RELN: variants seen among roughly 807,000 people sequenced by gnomAD.
The protein encoded by RELN is reelin.
RELN carries 108 observed loss-of-function variants against 427.6 expected under a neutral mutation model. That is an observed-to-expected ratio of 0.25 (90% CI 0.22 to 0.30). The LOEUF (loss-of-function observed/expected upper bound fraction) is 0.30. Ranked by LOEUF, RELN falls within the 10% of genes least tolerant of loss-of-function variation. The pLI, the probability that RELN is intolerant of heterozygous loss-of-function variation, is 1.00. For missense variants in RELN, 3,715 were observed against 4,302.8 expected, an observed-to-expected ratio of 0.86 and a Z score of 3.82; for synonymous variants, 1,524 against 1,513.4, an observed-to-expected ratio of 1.01 and a Z score of -0.16.
At chr7:103,720,312 T>G (rs1790044668) in intron 8 of RELN, among the ~76,000 whole-genome samples, 1 of 151,960 alleles carries the variant, frequency 6.6e-6, no homozygotes, top group Admixed American at 6.6e-5. Flanking sequence ...GGGAGTCTTT[T>G]GGATAACATT....
At chr7:103,636,608 G>A (rs1832588074) in intron 17 of RELN, 140 bp from the exon 18 acceptor site, 2 of 707,252 alleles carry the variant, frequency 2.8e-6, no homozygotes, top group Non-Finnish European at 2.6e-6. Flanking sequence ...GGAGACTACT[G>A]AATCTAAAGA....
At chr7:103,947,401 C>T (rs1796242679) in intron 1 of RELN, among the ~76,000 whole-genome samples, 1 of 152,050 alleles carries the variant, frequency 6.6e-6, no homozygotes, top group African/African-American at 2.4e-5. Flanking sequence ...AGGGTGGATC[C>T]TAATTCAATA....
intron 19 of RELN, 33 bp downstream of exon 19, chr7:103,635,392 T>A: frequency 6.2e-7 from 1 of 1,609,944 alleles, no homozygotes; most frequent in Non-Finnish European, 8.5e-7. Flanking sequence ...GATTTCACTC[T>A]ACAACCATTT....
At chr7:103,627,223 G>A (rs1832347914) in intron 20 of RELN, among the ~76,000 whole-genome samples, 1 of 152,084 alleles carries the variant, frequency 6.6e-6, no homozygotes, top group African/African-American at 2.4e-5. Context: ...GGCAGAGACT[G>A]CATACTTAAA....
chr7:103,773,980 G>T (rs1791672762), intron 4 of RELN, among the ~76,000 whole-genome samples: 1 of 152,170 alleles, frequency 6.6e-6, no homozygotes, highest in African/African-American at 2.4e-5. Context: ...GGTCTTGCAG[G>T]TGCTGTATAA....
chr7:103,869,356 T>C (rs967870277), intron 2 of RELN, among the ~76,000 whole-genome samples: 1 of 152,020 alleles, frequency 6.6e-6, no homozygotes, highest in Non-Finnish European at 1.5e-5. Flanking sequence ...TCTTTATACC[T>C]TTTTTTACTT....
At chr7:103,705,168 GTA>G (rs1213270514) in intron 8 of RELN, among the ~76,000 whole-genome samples, 1 of 151,992 alleles carries the variant, frequency 6.6e-6, no homozygotes. Context: ...TATAATATAT[GTA>G]TACATTCCAG....
rs186633320 is a variant in RELN, at chr7:103,699,418, T to C, written c.903-1325A>G. ...AATTGATGAAGAGAATATATTTAGG[T>C]AGTGATTGGGAGCACTTTCACTCTA... On this transcript the variant is annotated intron_variant, in intron 9 of 64. Transcript: ENST00000428762. Among the ~76,000 whole-genome samples the C allele has an allele frequency of 9.2e-5, 14 of 152,264 alleles. No individual in the cohort carries two copies. The East Asian group carries it at 2.7e-3, about 29-fold the overall frequency.
At position 103,553,565 on chromosome 7, in the gene RELN, T is replaced by C; in HGVS notation, c.5970-2A>G. 1 of 1,613,976 alleles carries C rather than the reference T, an allele frequency of 6.2e-7. No homozygotes were observed. ...AACACCATAGCTGAATCTTCTTCAC[T>C]GTTACACAGGAAAACAACCAGGAAT... On this transcript the variant is annotated splice_acceptor_variant, in intron 39 of 64. Coordinates refer to ENST00000428762, the MANE Select transcript of RELN (RefSeq NM_005045.4). LOFTEE classifies it high-confidence loss of function.
intron 2 of RELN, among the ~76,000 whole-genome samples, chr7:103,894,930 C>T (rs561663842): frequency 6.6e-5 from 10 of 152,252 alleles, no homozygotes; most frequent in Non-Finnish European, 1.0e-4. Context: ...AAATCATACA[C>T]TTACCCTGCT....
At chr7:103,747,255 A>G (rs1584460035) in intron 6 of RELN, among the ~76,000 whole-genome samples, 1 of 125,672 alleles carries the variant, frequency 8.0e-6, no homozygotes, top group African/African-American at 3.2e-5. Context: ...ACACACTGGG[A>G]CCTGTTGTGG....
intron 2 of RELN, among the ~76,000 whole-genome samples, chr7:103,852,256 CATG>C (rs963492910): frequency 2.0e-5 from 3 of 149,904 alleles, no homozygotes; most frequent in Non-Finnish European, 4.4e-5. Context: ...TTCTCTTCTC[CATG>C]ATATTTCATA....
intron 46 of RELN, among the ~76,000 whole-genome samples, chr7:103,525,277 G>A (rs977988010): frequency 1.3e-5 from 2 of 151,984 alleles, no homozygotes; most frequent in African/African-American, 2.4e-5. Flanking sequence ...GCAAACTATT[G>A]TTTTCCTCTT....
chr7:103,719,402 G>A (rs1790019890), intron 8 of RELN, among the ~76,000 whole-genome samples: 1 of 152,100 alleles, frequency 6.6e-6, no homozygotes, highest in Admixed American at 6.6e-5. Flanking sequence ...CTGCCACCCT[G>A]GGGACATATA....
intron 45 of RELN, among the ~76,000 whole-genome samples, chr7:103,538,346 A>C (rs777344537): frequency 2.0e-5 from 3 of 152,184 alleles, no homozygotes; most frequent in Non-Finnish European, 4.4e-5. Context: ...GGGGATGTGA[A>C]AGACCAGGAG....
At chr7:103,638,093 T>C (rs924260547) in intron 17 of RELN, among the ~76,000 whole-genome samples, 2 of 152,194 alleles carry the variant, frequency 1.3e-5, no homozygotes, top group Non-Finnish European at 2.9e-5. Context: ...CAAAAAACTT[T>C]GTAGTCTTTG....
intron 12 of RELN, 88 bp downstream of exon 12, chr7:103,661,288 T>G: frequency 1.4e-6 from 2 of 1,385,018 alleles, no homozygotes; most frequent in Non-Finnish European, 2.1e-6. Flanking sequence ...TTTTACGTAG[T>G]TGACAACAAA....
intron 28 of RELN, among the ~76,000 whole-genome samples, chr7:103,582,120 C>T (rs545454909): frequency 1.6e-3 from 239 of 152,290 alleles, no homozygotes; most frequent in African/African-American, 5.1e-3. Context: ...CTGTTTTCCT[C>T]CCACTGGTTA....
At chr7:103,549,682 C>T (rs2117149982) in intron 41 of RELN, among the ~76,000 whole-genome samples, 2 of 152,230 alleles carry the variant, frequency 1.3e-5, no homozygotes, top group Middle Eastern at 6.8e-3. Flanking sequence ...AATGTGAACA[C>T]AATAAAAACA....
Sources: gnomAD v4.1 joint callset for allele counts (sites outside exome capture counted in the v4.1 genomes callset) on GRCh38, gnomAD v4.1.1 for gene constraint, MANE v1.5 for transcripts, NCBI Gene and HGNC (gene_info 2026-07-23, HGNC 2026-07-21) for gene names.